The following LRRC37A2 variants were observed in gnomAD, a reference collection of about 807,000 sequenced individuals.
The protein encoded by LRRC37A2 is leucine-rich repeat-containing protein 37A2.
A neutral mutation model predicts 68.8 loss-of-function variants in LRRC37A2; 9 were observed. That is an observed-to-expected ratio of 0.13 (90% CI 0.08 to 0.23). The LOEUF (loss-of-function observed/expected upper bound fraction) is 0.23, where lower values mean the gene tolerates loss of function less well. Among genes scored for constraint, LRRC37A2 ranks in the 10% least tolerant of loss-of-function variants. LRRC37A2 has a pLI of 1.00. For synonymous variants in LRRC37A2, 63 were observed against 367.6 expected (o/e 0.17, Z 9.48); for missense variants, 168 against 950.4 (o/e 0.18, Z 10.82).
the LRRC37A2 span, among the ~76,000 whole-genome samples, chr17:46,942,601 T>C: frequency 6.6e-6 from 1 of 152,214 alleles, no homozygotes; most frequent in Non-Finnish European, 1.5e-5. Context: ...AGGTGTTTGC[T>C]GCAGACCCTT....
the LRRC37A2 span, chr17:46,938,967 G>A: frequency 9.0e-6 from 13 of 1,440,218 alleles, no homozygotes; most frequent in Admixed American, 6.8e-5. Context: ...CACCATGCGC[G>A]GTGCTTAGGA....
chr17:46,493,968 C>G, the LRRC37A2 span, among the ~76,000 whole-genome samples: 1 of 151,032 alleles, frequency 6.6e-6, no homozygotes, highest in Non-Finnish European at 1.5e-5. Context: ...CCTCAGCCTC[C>G]GAAGTAGTTA....
the LRRC37A2 span, among the ~76,000 whole-genome samples, chr17:47,020,040 C>T: frequency 6.7e-6 from 1 of 149,754 alleles, no homozygotes; most frequent in South Asian, 2.1e-4. Flanking sequence ...TATTTAGCCC[C>T]ATCACATCAT....
the LRRC37A2 span, chr17:46,886,576 A>T: frequency 6.6e-6 from 1 of 151,866 alleles, no homozygotes; most frequent in Admixed American, 6.6e-5. Context: ...TCAATTAAGG[A>T]TGCTGTAACC....
chr17:46,721,624 C>T, the LRRC37A2 span: 11 of 1,587,972 alleles, frequency 6.9e-6, no homozygotes, highest in South Asian at 5.5e-5. Context: ...CATCCTTGCC[C>T]GTGAGCTTCT....
the LRRC37A2 span, chr17:46,940,083 G>C: frequency 1.8e-5 from 20 of 1,129,104 alleles, no homozygotes; most frequent in African/African-American, 3.0e-4. Flanking sequence ...ACTGTCTTCT[G>C]TCTTATTTCC....
At chr17:46,537,133 T>G (rs1466884068) in intron 6 of LRRC37A2, among the ~76,000 whole-genome samples, 1 of 87,332 alleles carries the variant, frequency 1.1e-5, no homozygotes, top group Non-Finnish European at 2.0e-5. Context: ...TTTGTTGCTT[T>G]TATGAAGGGA....
the LRRC37A2 span, among the ~76,000 whole-genome samples, chr17:47,032,760 T>C: frequency 2.0e-5 from 3 of 152,088 alleles, no homozygotes; most frequent in Non-Finnish European, 2.9e-5. Flanking sequence ...GTGCTGTAAA[T>C]GCTACCCAGA....
chr17:46,718,446 G>T, the LRRC37A2 span, among the ~76,000 whole-genome samples: 1 of 152,130 alleles, frequency 6.6e-6, no homozygotes, highest in African/African-American at 2.4e-5. Flanking sequence ...ACCCTTATTT[G>T]ATCGTTACAT....
the LRRC37A2 span, among the ~76,000 whole-genome samples, chr17:46,962,557 C>T: frequency 2.0e-5 from 3 of 152,186 alleles, no homozygotes; most frequent in Non-Finnish European, 4.4e-5. Context: ...AAGAAAGCTG[C>T]CATACATCAA....
chr17:46,543,584 G>C (rs2055807072), intron 8 of LRRC37A2, among the ~76,000 whole-genome samples: 1 of 150,846 alleles, frequency 6.6e-6, no homozygotes, highest in South Asian at 2.1e-4. Context: ...GGTTCTTAGG[G>C]GCTGCACACT....
the LRRC37A2 span, chr17:46,876,144 C>A: frequency 5.2e-6 from 6 of 1,163,440 alleles, no homozygotes; most frequent in African/African-American, 7.8e-5. Context: ...GTCTCTTTCC[C>A]ATTCTCCTGC....
At chr17:46,413,470 GTCTC>G in the LRRC37A2 span, among the ~76,000 whole-genome samples, 1 of 41,050 alleles carries the variant, frequency 2.4e-5, no homozygotes, top group Non-Finnish European at 8.8e-5. Context: ...CTGGGTCTCT[GTCTC>G]TCTCTGTACA....
chr17:46,818,914 C>T, the LRRC37A2 span, among the ~76,000 whole-genome samples: 2 of 152,162 alleles, frequency 1.3e-5, no homozygotes, highest in African/African-American at 4.8e-5. Context: ...TTGGGCAAAG[C>T]CCGCGCCCCG....
At chr17:46,557,876 AAC>A (rs2057366759), downstream of LRRC37A2, among the ~76,000 whole-genome samples, 1 of 74,850 alleles carries the variant, frequency 1.3e-5, no homozygotes, top group Admixed American at 1.5e-4. Context: ...GGCAGCAGGT[AAC>A]ACACAATCAT....
the LRRC37A2 span, among the ~76,000 whole-genome samples, chr17:46,951,028 G>A: frequency 6.6e-6 from 1 of 152,146 alleles, no homozygotes; most frequent in East Asian, 1.9e-4. Flanking sequence ...CCAACTACAC[G>A]CCCATGGCCT....
the LRRC37A2 span, among the ~76,000 whole-genome samples, chr17:47,000,024 A>T: frequency 1.9e-3 from 27 of 13,958 alleles, 1 homozygote; most frequent in East Asian, 0.014. Context: ...AAAATAAAAT[A>T]AAATAAAATA....
chr17:46,737,956 A>G, the LRRC37A2 span, among the ~76,000 whole-genome samples: 3 of 146,222 alleles, frequency 2.1e-5, no homozygotes, highest in African/African-American at 7.5e-5. Context: ...ATTATTAGAG[A>G]TAGGATCTTG....
chr17:46,935,589 A>G, the LRRC37A2 span: 1 of 1,087,962 alleles, frequency 9.2e-7, no homozygotes, highest in Non-Finnish European at 1.1e-6. Flanking sequence ...TTATAACTAA[A>G]ACCTTTTGTA....
Sources: allele counts gnomAD v4.1 joint callset (sites outside exome capture counted in the v4.1 genomes callset), GRCh38; gene constraint gnomAD v4.1.1; transcripts MANE v1.5; gene names NCBI Gene and HGNC (gene_info 2026-07-23, HGNC 2026-07-21).